RGS12: variants seen among roughly 807,000 people sequenced by gnomAD.
RGS12 encodes regulator of G protein signaling 12.
A neutral mutation model predicts 120.1 loss-of-function variants in RGS12; 66 were observed. That is an observed-to-expected ratio of 0.55 (90% CI 0.45 to 0.67). RGS12 has a LOEUF of 0.67. Ranked by LOEUF, RGS12 falls within the 30% of genes least tolerant of loss-of-function variation. The probability of loss-of-function intolerance (pLI) is 0.00; values close to 1 mark genes in which losing one functional copy is unlikely to be tolerated. For missense variants in RGS12, 1,859 were observed against 1,957.7 expected (o/e 0.95, Z 0.95); for synonymous variants, 827 against 804.7 (o/e 1.03, Z -0.47).
chr4:3,309,806 G>A (rs142176308), intron 1 of RGS12, among the ~76,000 whole-genome samples: 1 of 141,666 alleles, frequency 7.1e-6, no homozygotes, highest in Non-Finnish European at 1.5e-5. Flanking sequence ...ACCGTGTTGA[G>A]GAGGAGCTGG....
chr4:3,428,441 A>G (rs1290167785), intron 15 of RGS12, 117 bp from the exon 16 acceptor site: 2 of 948,238 alleles, frequency 2.1e-6, no homozygotes, highest in Admixed American at 4.8e-5. Flanking sequence ...TCTGCAATGC[A>G]TGTAAATTCT....
chr4:3,439,289 C>T (rs1165746260), intron 17 of RGS12, among the ~76,000 whole-genome samples, 166 bp from the exon 18 acceptor site: 1 of 152,128 alleles, frequency 6.6e-6, no homozygotes, highest in African/African-American at 2.4e-5. Flanking sequence ...GTACCTGCCC[C>T]AGCCTGGAGG....
At chr4:3,310,382 C>T (rs1279205457) in intron 1 of RGS12, among the ~76,000 whole-genome samples, 2 of 152,210 alleles carry the variant, frequency 1.3e-5, no homozygotes, top group East Asian at 3.8e-4. Flanking sequence ...TGTCTCCAGT[C>T]CACGCTGCAC....
chr4:3,322,087 G>A (rs544137029), intron 2 of RGS12, among the ~76,000 whole-genome samples: 31 of 152,312 alleles, frequency 2.0e-4, no homozygotes, highest in South Asian at 6.2e-4. Flanking sequence ...GGCTCAGCCC[G>A]GGTTTCCGCC....
At chr4:3,332,668 G>A (rs767518267) in intron 2 of RGS12, among the ~76,000 whole-genome samples, 1 of 152,186 alleles carries the variant, frequency 6.6e-6, no homozygotes, top group Non-Finnish European at 1.5e-5. Context: ...CTCTTGGGCT[G>A]TCTTTTCCTC....
At chr4:3,363,395 C>T (rs16843145) in intron 3 of RGS12, among the ~76,000 whole-genome samples, 4,544 of 152,178 alleles carry the variant, frequency 0.03, 211 homozygotes, top group African/African-American at 0.098. Context: ...TTGGCTCATG[C>T]TCTGTTTCTT....
chr4:3,354,007 G>A (rs191530168), intron 3 of RGS12, among the ~76,000 whole-genome samples: 1 of 152,294 alleles, frequency 6.6e-6, no homozygotes, highest in Admixed American at 6.5e-5. Flanking sequence ...GTGTTACAGG[G>A]ACCTGCCTAA....
chr4:3,409,708 TTG>T (rs1288523509), intron 4 of RGS12, among the ~76,000 whole-genome samples: 1 of 152,246 alleles, frequency 6.6e-6, no homozygotes, highest in Non-Finnish European at 1.5e-5. Flanking sequence ...GTCACCGTGC[TTG>T]TGTGTTGGAA....
chr4:3,385,859 C>A, intron 3 of RGS12: 1 of 157,550 alleles, frequency 6.3e-6, no homozygotes, highest in Admixed American at 6.3e-5. Flanking sequence ...GGGCTTGACT[C>A]CTCTGCTGCC....
chr4:3,377,962 G>A (rs999379859), intron 3 of RGS12, among the ~76,000 whole-genome samples: 4 of 152,190 alleles, frequency 2.6e-5, no homozygotes, highest in Non-Finnish European at 5.9e-5. Flanking sequence ...TGTAAGCACC[G>A]AAAAGTGCTG....
chr4:3,298,446 G>A (rs902580811), intron 1 of RGS12, among the ~76,000 whole-genome samples: 4 of 152,084 alleles, frequency 2.6e-5, no homozygotes, highest in African/African-American at 9.7e-5. Context: ...AAACTCCTGG[G>A]CTCAAGCGAT....
At chr4:3,333,174 C>T (rs3129336) in intron 2 of RGS12, among the ~76,000 whole-genome samples, 35,446 of 152,014 alleles carry the variant, frequency 0.23, 4,625 homozygotes, top group South Asian at 0.35. Flanking sequence ...CTCAGCCTCC[C>T]GCGTAGCTGG....
chr4:3,439,316 A>C (rs1185443372), intron 17 of RGS12, 139 bp from the exon 18 acceptor site: 2 of 852,536 alleles, frequency 2.3e-6, no homozygotes, highest in East Asian at 5.2e-5. Context: ...GCGGGACGCC[A>C]GCTGCCTCTG....
Position 3,316,784 on chromosome 4 carries a change from A to G in RGS12, c.614A>G (p.Asp205Gly). Residue 205 changes from aspartate to glycine, a missense_variant, in exon 2 of 18, where the codon GAT becomes GGT. Asp to Gly is a moderately conservative substitution (Grantham distance 94). This residue lies in a region of RGS12 where 967 missense variants were observed against 994.2 expected (regional missense o/e 0.97). Transcript: ENST00000336727. Reference sequence around the variant, plus strand: ...GAGGAAATATCAAAAGTTATTCATGATGATTCGGTTTTCAGCATTGGACTA... The same window carrying G: ...GAGGAAATATCAAAAGTTATTCATGGTGATTCGGTTTTCAGCATTGGACTA... ...SKEEISKVIHDDSVFSIGLES... is the reference protein window; with the variant it reads ...SKEEISKVIHGDSVFSIGLES... The G allele has an allele frequency of 6.2e-7, 1 of 1,614,218 alleles. No individual in the cohort carries two copies.
chr4:3,312,546 G>C (rs1184373071), intron 1 of RGS12: 1 of 226,806 alleles, frequency 4.4e-6, no homozygotes, highest in Non-Finnish European at 9.8e-6. Context: ...TGTAGGCTTA[G>C]ACCAAGACGG....
In RGS12 at chr4:3,422,967, C is replaced by T. The variant is rs769303816; in HGVS notation, c.3096C>T (p.Arg1032=). The change falls in exon 12 of 18, where the codon CGC becomes CGT. Residue 1032 remains arginine, a synonymous_variant. Coordinates refer to ENST00000336727, the MANE Select transcript of RGS12 (RefSeq NM_001394154.1). ...LESRDLRLEK[R]TLFRLDLVPI... ...CAAGGGACCTGCGCCTAGAAAAGCG[C>T]ACCTTGTTTCGGTAAGAGGAAGATC... The T allele has an allele frequency of 1.2e-6, 2 of 1,613,024 alleles. No individual in the cohort carries two copies. Among genetic ancestry groups the T allele is most frequent in the South Asian group, 1.1e-5 (1 of 91,084 alleles).
Position 3,317,268 on chromosome 4 carries a change from C to T in RGS12, c.1098C>T (p.Asp366=), listed in dbSNP as rs1246898146. 11 of 1,614,064 alleles carry T rather than the reference C, an allele frequency of 6.8e-6. No individual in the cohort carries two copies. Among genetic ancestry groups the T allele is most frequent in the Middle Eastern group, 1.6e-4 (1 of 6,084 alleles). The change falls in exon 2 of 18, where the codon GAC becomes GAT. Residue 366 remains aspartate, a synonymous_variant. Coordinates refer to ENST00000336727, the MANE Select transcript of RGS12 (RefSeq NM_001394154.1). ...ARRFGFECTA[D]PDTNGCLEFP... Reference sequence around the variant, plus strand: ...GGTTTGGGTTTGAGTGCACGGCCGACCCAGACACCAATGGCTGTCTGGAAT... The same window carrying T: ...GGTTTGGGTTTGAGTGCACGGCCGATCCAGACACCAATGGCTGTCTGGAAT...
At chr4:3,362,363 G>A (rs900240241) in intron 3 of RGS12, among the ~76,000 whole-genome samples, 10 of 152,066 alleles carry the variant, frequency 6.6e-5, no homozygotes, top group African/African-American at 2.4e-4. Flanking sequence ...GTGAGGGTGT[G>A]TGTGAGGGTG....
At chr4:3,434,321 C>G (rs562156725) in intron 17 of RGS12, among the ~76,000 whole-genome samples, 2 of 152,240 alleles carry the variant, frequency 1.3e-5, no homozygotes, top group East Asian at 3.9e-4. Context: ...CTACCTGGTC[C>G]CACCCTTGAT....
Sources: allele counts gnomAD v4.1 joint callset (sites outside exome capture counted in the v4.1 genomes callset), GRCh38; gene constraint gnomAD v4.1.1; regional missense constraint gnomAD v4.1.1; transcripts MANE v1.5; gene names NCBI Gene and HGNC (gene_info 2026-07-23, HGNC 2026-07-21).